CLASP1: variants seen among roughly 807,000 people sequenced by gnomAD.
The protein encoded by CLASP1 is CLIP-associating protein 1.
Under a neutral mutation model 192.3 loss-of-function variants are expected in CLASP1, and 38 were observed. The ratio of observed to expected loss-of-function variants is 0.20; its 90% CI spans 0.15 to 0.26. The LOEUF (loss-of-function observed/expected upper bound fraction) is 0.26. CLASP1 is among the 10% of genes least tolerant of loss of function. CLASP1 has a pLI of 1.00. For synonymous variants in CLASP1, 691 were observed against 712.8 expected, an observed-to-expected ratio of 0.97 and a Z score of 0.49; for missense variants, 1,433 against 1,932.5, an observed-to-expected ratio of 0.74 and a Z score of 4.85.
Position 121,530,168 on chromosome 2 carries a change from G to A in CLASP1, c.274+79C>T, listed in dbSNP as rs371393422. ...AGGGGAGGCAGGGTGGCTGCCGGGA[G>A]GGTTTGGGAGCCGGGGAGGCCGAGG... On this transcript the variant is annotated intron_variant, in intron 3 of 39. Transcript: ENST00000263710. The A allele has an allele frequency of 1.5e-4, 197 of 1,281,208 alleles. No individual in the cohort carries two copies. In the African/African-American group the frequency reaches 2.5e-3, roughly 16 times the overall value. 79.4% of individuals were successfully genotyped at this position (1,281,208 alleles called of 1,614,324 possible).
chr2:121,394,107 T>C (rs2074864145), intron 30 of CLASP1, among the ~76,000 whole-genome samples: 1 of 152,152 alleles, frequency 6.6e-6, no homozygotes, highest in Non-Finnish European at 1.5e-5. Context: ...TTACACCCTA[T>C]ATAACCTCTC....
chr2:121,471,793 T>C (rs2090779345), intron 8 of CLASP1, among the ~76,000 whole-genome samples: 1 of 152,344 alleles, frequency 6.6e-6, no homozygotes, highest in East Asian at 1.9e-4. Flanking sequence ...AAGATGGTTC[T>C]TTCAATCCAT....
At chr2:121,646,267 T>C (rs568981713) in intron 1 of CLASP1, among the ~76,000 whole-genome samples, 1 of 152,212 alleles carries the variant, frequency 6.6e-6, no homozygotes, top group South Asian at 2.1e-4. Flanking sequence ...TGCACACCAC[T>C]ATCCCCAGCT....
intron 34 of CLASP1, among the ~76,000 whole-genome samples, chr2:121,375,507 GTGTGCACCACC>G: frequency 6.6e-6 from 1 of 151,974 alleles, no homozygotes; most frequent in African/African-American, 2.4e-5. Flanking sequence ...GGGACTACAG[GTGTGCACCACC>G]AAGCCCAGCT....
intron 32 of CLASP1, among the ~76,000 whole-genome samples, chr2:121,383,859 T>C (rs1421913511): frequency 6.6e-6 from 1 of 151,696 alleles, no homozygotes; most frequent in African/African-American, 2.4e-5. Flanking sequence ...GTGTATTAGC[T>C]GGTAATAGGA....
chr2:121,451,399 TCTACATCAAATACAGAGG>T (rs913675646), intron 15 of CLASP1, among the ~76,000 whole-genome samples: 2 of 152,208 alleles, frequency 1.3e-5, no homozygotes, highest in African/African-American at 4.8e-5. Context: ...AAATAGGCTG[TCTACATCAAATACAGAGG>T]GAGAAAAAGA....
intron 36 of CLASP1, 34 bp from the exon 38 acceptor site, chr2:121,363,334 A>ACAC: frequency 6.2e-7 from 1 of 1,611,088 alleles, no homozygotes; most frequent in Non-Finnish European, 8.5e-7. Context: ...ACATCACCAA[A>ACAC]CACCACACAG....
intron 1 of CLASP1, among the ~76,000 whole-genome samples, chr2:121,606,391 A>G (rs2064416966): frequency 6.6e-6 from 1 of 152,244 alleles, no homozygotes; most frequent in Admixed American, 6.5e-5. Context: ...AGAAGAGCCA[A>G]TGAGCCACAC....
chr2:121,494,642 T>TG (rs2093452279), intron 8 of CLASP1, among the ~76,000 whole-genome samples: 1 of 152,212 alleles, frequency 6.6e-6, no homozygotes, highest in African/African-American at 2.4e-5. Context: ...CTTGAGTTGA[T>TG]GGATACCCTA....
At chr2:121,515,547 A>G (rs552299239) in intron 7 of CLASP1, 118 bp downstream of exon 7, 4 of 795,990 alleles carry the variant, frequency 5.0e-6, no homozygotes, top group Non-Finnish European at 8.3e-6. Context: ...CTCTAACCTT[A>G]TATTCTTTGA....
chr2:121,607,186 A>T (rs2105923823), intron 1 of CLASP1, among the ~76,000 whole-genome samples: 1 of 152,136 alleles, frequency 6.6e-6, no homozygotes, highest in Non-Finnish European at 1.5e-5. Flanking sequence ...TAAAAATATA[A>T]AAACTAGCCA....
At chr2:121,395,313 C>T (rs186861832) in intron 30 of CLASP1, among the ~76,000 whole-genome samples, 19 of 152,164 alleles carry the variant, frequency 1.2e-4, no homozygotes, top group African/African-American at 4.1e-4. Flanking sequence ...AAACAAATAA[C>T]GAAGTCAAAA....
At chr2:121,601,444 G>A (rs1241137653) in intron 2 of CLASP1, among the ~76,000 whole-genome samples, 1 of 152,018 alleles carries the variant, frequency 6.6e-6, no homozygotes, top group Admixed American at 6.5e-5. Context: ...GCTAATTTTT[G>A]TATTTTTAGT....
At chr2:121,462,927 T>C (rs115473236) in intron 9 of CLASP1, among the ~76,000 whole-genome samples, 6 of 152,290 alleles carry the variant, frequency 3.9e-5, no homozygotes, top group African/African-American at 1.2e-4. Context: ...TCCTAATAAA[T>C]GGATCAAGCA....
At chr2:121,459,663 C>A (rs1559287397) in intron 12 of CLASP1, 1 of 214,818 alleles carries the variant, frequency 4.7e-6, no homozygotes, top group African/African-American at 2.3e-5. Context: ...ACGCTATTGC[C>A]TGCCAGCAAA....
intron 2 of CLASP1, among the ~76,000 whole-genome samples, chr2:121,549,120 C>T (rs994898266): frequency 6.6e-6 from 1 of 152,050 alleles, no homozygotes; most frequent in Non-Finnish European, 1.5e-5. Flanking sequence ...GCTAAATGCC[C>T]CCACATAAAA....
At chr2:121,425,584 GTTTT>G (rs1453459957) in intron 21 of CLASP1, among the ~76,000 whole-genome samples, 2 of 152,040 alleles carry the variant, frequency 1.3e-5, no homozygotes, top group African/African-American at 2.4e-5. Flanking sequence ...TTCTTATTTT[GTTTT>G]TTTAATTCTG....
At chr2:121,615,242 G>C (rs1395036569) in intron 1 of CLASP1, among the ~76,000 whole-genome samples, 1 of 152,164 alleles carries the variant, frequency 6.6e-6, no homozygotes, top group Non-Finnish European at 1.5e-5. Context: ...GGGAGGCTGA[G>C]GAAGGAGAAT....
At chr2:121,361,376 C>T (rs1165764172) in intron 37 of CLASP1, among the ~76,000 whole-genome samples, 3 of 152,168 alleles carry the variant, frequency 2.0e-5, no homozygotes, top group South Asian at 2.1e-4. Flanking sequence ...TTTTTGATCA[C>T]GTATTCTCAT....
Sources: allele counts gnomAD v4.1 joint callset (sites outside exome capture counted in the v4.1 genomes callset), GRCh38; gene constraint gnomAD v4.1.1; transcripts MANE v1.5; gene names NCBI Gene and HGNC (gene_info 2026-07-23, HGNC 2026-07-21).